The following SGPP2 variants were observed in gnomAD, a reference collection of about 807,000 sequenced individuals.
The protein encoded by SGPP2 is sphingosine-1-phosphate phosphatase 2, also known as sphingosine 1-phosphate phosphohydrolase 2.
In SGPP2, 30 loss-of-function variants were observed where a neutral mutation model predicts 33.9. The ratio of observed to expected loss-of-function variants is 0.89; its 90% CI spans 0.66 to 1.20. SGPP2 has a LOEUF of 1.20. SGPP2 is among the 50% of genes most tolerant of loss of function. SGPP2 has a pLI of 0.00. For missense variants in SGPP2, 458 were observed against 532.1 expected, an observed-to-expected ratio of 0.86 and a Z score of 1.37; for synonymous variants, 233 against 225.0, an observed-to-expected ratio of 1.04 and a Z score of -0.32.
chr2:222,499,745 G>C (rs1698338626), intron 2 of SGPP2, among the ~76,000 whole-genome samples: 1 of 152,130 alleles, frequency 6.6e-6, no homozygotes, highest in Admixed American at 6.5e-5. Flanking sequence ...TTCCAATTCA[G>C]TGTCATGTGA....
At chr2:222,519,012 AAAT>A (rs1358026712) in intron 2 of SGPP2, among the ~76,000 whole-genome samples, 6 of 152,230 alleles carry the variant, frequency 3.9e-5, no homozygotes, top group Non-Finnish European at 1.5e-5. Context: ...AATTATTTTG[AAAT>A]AGTTCTTCAT....
At chr2:222,524,335 T>C (rs1220987359) in intron 3 of SGPP2, among the ~76,000 whole-genome samples, 1 of 152,254 alleles carries the variant, frequency 6.6e-6, no homozygotes, top group Non-Finnish European at 1.5e-5. Flanking sequence ...GTCTAGCTTA[T>C]AAGCAGAGTA....
chr2:222,522,072 C>G, intron 3 of SGPP2, 126 bp downstream of exon 3: 1 of 822,096 alleles, frequency 1.2e-6, no homozygotes, highest in Non-Finnish European at 1.8e-6. Context: ...TTAAGAGAAA[C>G]TGAAACCTAT....
In SGPP2 at chr2:222,460,513, A is replaced by T. The variant is rs1432065859; in HGVS notation, c.220-14055A>T. ...AACAATGCAAAATTACTTAGAAAAG[A>T]CAAGAATGTGAATCCACTGGTGACC... On this transcript the variant is annotated intron_variant, in intron 1 of 4. Coordinates refer to ENST00000321276, the MANE Select transcript of SGPP2 (RefSeq NM_152386.4). This position sits in a 1 kb window ranked among gnomAD's most constrained non-coding sequence, Gnocchi z 4.3. Among the ~76,000 whole-genome samples the T allele has an allele frequency of 6.6e-6, 1 of 152,204 alleles. No individual in the cohort carries two copies. Among genetic ancestry groups the T allele is most frequent in the East Asian group, 1.9e-4 (1 of 5,204 alleles).
At chr2:222,474,170 A>G (rs111351591) in intron 1 of SGPP2, among the ~76,000 whole-genome samples, 189 of 152,330 alleles carry the variant, frequency 1.2e-3, no homozygotes, top group African/African-American at 4.3e-3. Flanking sequence ...GTAAGGTAAT[A>G]TATTCAGTTC....
chr2:222,446,402 T>C (rs1266720962), intron 1 of SGPP2, among the ~76,000 whole-genome samples: 1 of 152,130 alleles, frequency 6.6e-6, no homozygotes, highest in African/African-American at 2.4e-5. Flanking sequence ...CTATAAATAG[T>C]CAAAAGTTTT....
chr2:222,490,652 C>T (rs1698183794), intron 2 of SGPP2, among the ~76,000 whole-genome samples: 1 of 150,344 alleles, frequency 6.7e-6, no homozygotes, highest in South Asian at 2.1e-4. Flanking sequence ...ACTATGTTAC[C>T]CAGGCTGGTC....
chr2:222,485,795 C>T (rs1055737481), intron 2 of SGPP2, among the ~76,000 whole-genome samples: 1 of 152,204 alleles, frequency 6.6e-6, no homozygotes, highest in African/African-American at 2.4e-5. Context: ...TCTCCTGTCG[C>T]ATTTGAGGGT....
At chr2:222,488,123 T>C (rs2106108077) in intron 2 of SGPP2, among the ~76,000 whole-genome samples, 1 of 152,314 alleles carries the variant, frequency 6.6e-6, no homozygotes, top group Non-Finnish European at 1.5e-5. Context: ...AAATCTCTCC[T>C]TGGTGACCCC....
At position 222,477,729 on chromosome 2, in the gene SGPP2, T is replaced by C. The variant is rs1172339078; in HGVS notation, c.378+3003T>C. On this transcript the variant is annotated intron_variant, in intron 2 of 4. Coordinates refer to ENST00000321276, the MANE Select transcript of SGPP2 (RefSeq NM_152386.4). The surrounding 1 kb of genome is among the most constrained non-coding windows in gnomAD (Gnocchi z 6.0). ...GGCCAATTATCTCCCCCACTGAGGG[T>C]GGAAAACTTTCCCTGAGAGCTGGGA... is the stretch of plus-strand genomic sequence containing the variant. 6.6e-6 allele frequency among the ~76,000 whole-genome samples: 1 copy of C among 152,002 alleles called. No homozygotes were observed. The highest frequency in any genetic ancestry group is 2.4e-5 in the African/African-American group (1 of 41,340).
chr2:222,484,112 G>A (rs896270724), intron 2 of SGPP2, among the ~76,000 whole-genome samples: 28 of 152,088 alleles, frequency 1.8e-4, no homozygotes, highest in African/African-American at 6.8e-4. Context: ...TTTAGTGTAG[G>A]TTTAAAAAAA....
chr2:222,424,036 T>A (rs1559139591), upstream of SGPP2, among the ~76,000 whole-genome samples: 1 of 152,050 alleles, frequency 6.6e-6, no homozygotes, highest in African/African-American at 2.4e-5. Context: ...GAATTCTCCC[T>A]GGGGGGCTCG....
At chr2:222,450,783 C>A (rs1468739249) in intron 1 of SGPP2, among the ~76,000 whole-genome samples, 2 of 152,250 alleles carry the variant, frequency 1.3e-5, no homozygotes, top group South Asian at 4.1e-4. Context: ...CAAACCTTTG[C>A]CATGTTTGAG....
chr2:222,508,583 A>G (rs1698480195), intron 2 of SGPP2, among the ~76,000 whole-genome samples: 2 of 152,238 alleles, frequency 1.3e-5, no homozygotes, highest in East Asian at 1.9e-4. Flanking sequence ...AGAGGTGGAA[A>G]GTGGCTTTCC....
At chr2:222,461,410 A>G (rs949396362) in intron 1 of SGPP2, among the ~76,000 whole-genome samples, 1 of 152,136 alleles carries the variant, frequency 6.6e-6, no homozygotes, top group Non-Finnish European at 1.5e-5. Flanking sequence ...GACCAGTTTC[A>G]TGGAAGACGA....
At chr2:222,491,018 A>G (rs977795806) in intron 2 of SGPP2, among the ~76,000 whole-genome samples, 3 of 152,192 alleles carry the variant, frequency 2.0e-5, no homozygotes, top group Non-Finnish European at 4.4e-5. Flanking sequence ...GTGCTTGCCC[A>G]GTAGGATGAT....
chr2:222,516,309 A>C (rs1175096656), intron 2 of SGPP2, among the ~76,000 whole-genome samples: 1 of 152,168 alleles, frequency 6.6e-6, no homozygotes, highest in Non-Finnish European at 1.5e-5. Context: ...CTCTTCATTC[A>C]GCATAATTAT....
At chr2:222,495,808 G>A (rs1698271407) in intron 2 of SGPP2, among the ~76,000 whole-genome samples, 1 of 152,084 alleles carries the variant, frequency 6.6e-6, no homozygotes, top group African/African-American at 2.4e-5. Flanking sequence ...CAAAATACCT[G>A]CCACCTTGAC....
chr2:222,516,495 A>G (rs1169821583), intron 2 of SGPP2, among the ~76,000 whole-genome samples: 1 of 152,200 alleles, frequency 6.6e-6, no homozygotes, highest in East Asian at 1.9e-4. Context: ...TTCATATATG[A>G]GTATTTGGTC....
Sources: allele counts gnomAD v4.1 joint callset (sites outside exome capture counted in the v4.1 genomes callset), GRCh38; gene constraint gnomAD v4.1.1; non-coding constraint Gnocchi (gnomAD v3.1); transcripts MANE v1.5; gene names NCBI Gene and HGNC (gene_info 2026-07-23, HGNC 2026-07-21).